ACSBG1: variants seen among roughly 807,000 people sequenced by gnomAD.
The protein encoded by ACSBG1 is acyl-CoA synthetase bubblegum family member 1.
ACSBG1 carries 39 observed loss-of-function variants against 80.2 expected under a neutral mutation model. The ratio of observed to expected loss-of-function variants is 0.49; its 90% confidence interval spans 0.38 to 0.64. The LOEUF (loss-of-function observed/expected upper bound fraction) is 0.64, where lower values mean the gene tolerates loss of function less well. Among genes scored for constraint, ACSBG1 ranks in the 30% least tolerant of loss-of-function variants. ACSBG1 has a pLI of 0.00. For synonymous variants in ACSBG1, 392 were observed against 379.5 expected, an observed-to-expected ratio of 1.03 and a Z score of -0.38; for missense variants, 828 against 966.4, an observed-to-expected ratio of 0.86 and a Z score of 1.90.
chr15:78,226,521 C>T (rs1364804021), intron 1 of ACSBG1: 3 of 176,730 alleles, frequency 1.7e-5, no homozygotes, highest in Admixed American at 6.2e-5. Flanking sequence ...CCTGTTCATC[C>T]CAGCACTTTG....
rs531449547 is a variant in ACSBG1, at chr15:78,186,320, G to A, written c.664-3535C>T. Among the ~76,000 whole-genome samples the A allele has an allele frequency of 1.7e-3, 256 of 152,080 alleles. 1 individual carries two copies. The highest frequency in any genetic ancestry group is 5.1e-3 in the African/African-American group (212 of 41,468). ...AATTGAACTCAGCTCTGCACCAAGC[G>A]GACCTAATAGACATCTACAGAACTC... On this transcript the variant is annotated intron_variant, in intron 5 of 13. Coordinates refer to ENST00000258873, the MANE Select transcript of ACSBG1 (RefSeq NM_015162.5).
At chr15:78,204,326 C>A (rs966897588) in intron 2 of ACSBG1, among the ~76,000 whole-genome samples, 4 of 152,226 alleles carry the variant, frequency 2.6e-5, no homozygotes, top group Admixed American at 6.5e-5. Context: ...TGGGCTTTAC[C>A]TGCCCCTGTA....
intron 1 of ACSBG1, among the ~76,000 whole-genome samples, chr15:78,232,962 T>C (rs1567104138): frequency 6.6e-6 from 1 of 152,236 alleles, no homozygotes; most frequent in Non-Finnish European, 1.5e-5. Context: ...ATTACAGGCA[T>C]GAGCCATCAT....
intron 2 of ACSBG1, among the ~76,000 whole-genome samples, chr15:78,196,024 A>G (rs1349996482): frequency 6.6e-6 from 1 of 152,226 alleles, no homozygotes; most frequent in Non-Finnish European, 1.5e-5. Context: ...GAGGGCCGGA[A>G]GTAGGGATGA....
rs368552794 is a variant in ACSBG1 at position 78,208,507 on chromosome 15, G to A, written c.132-405C>T. On this transcript the variant is annotated intron_variant, in intron 1 of 13. Coordinates refer to ENST00000258873, the MANE Select transcript of ACSBG1 (RefSeq NM_015162.5). Reference sequence around the variant, plus strand: ...CCTGGAGAGGGCAGACTTTTGGGGCGGGGGTTCCCCCATCTGTCACTCCCT... The same window carrying A: ...CCTGGAGAGGGCAGACTTTTGGGGCAGGGGTTCCCCCATCTGTCACTCCCT... Among the ~76,000 whole-genome samples, 8 of 152,322 alleles carry A rather than the reference G, an allele frequency of 5.3e-5. No individual in the cohort carries two copies. The East Asian group carries it at 9.6e-4, about 18-fold the overall frequency.
At chr15:78,223,043 G>A (rs2075371010) in intron 1 of ACSBG1, among the ~76,000 whole-genome samples, 1 of 152,114 alleles carries the variant, frequency 6.6e-6, no homozygotes, top group Non-Finnish European at 1.5e-5. Flanking sequence ...CCTTAGGACT[G>A]CCTTCTAACT....
At chr15:78,174,606 C>G in intron 11 of ACSBG1, 82 bp from the exon 12 acceptor site, 1 of 1,505,322 alleles carries the variant, frequency 6.6e-7, no homozygotes, top group Non-Finnish European at 8.9e-7. Context: ...TCAACCACAA[C>G]CCGGAAGCCT....
intron 1 of ACSBG1, among the ~76,000 whole-genome samples, chr15:78,217,930 G>A (rs776852151): frequency 2.0e-5 from 3 of 152,106 alleles, no homozygotes; most frequent in African/African-American, 4.8e-5. Context: ...TTCATATGTT[G>A]TATTGATGAC....
intron 8 of ACSBG1, among the ~76,000 whole-genome samples, chr15:78,181,547 A>G (rs8026525): frequency 0.078 from 10,427 of 133,542 alleles, 426 homozygotes; most frequent in South Asian, 0.19. Context: ...AGGCTGGAGT[A>G]CAGTGGCGTG....
chr15:78,172,921 C>T lies in ACSBG1; in HGVS notation c.2089+672G>A, dbSNP rs2074840468. Among the ~76,000 whole-genome samples, 2 of 152,230 alleles carry T rather than the reference C, an allele frequency of 1.3e-5. No homozygotes were observed. Among genetic ancestry groups the T allele is most frequent in the Admixed American group, 6.5e-5 (1 of 15,288 alleles). The stretch of plus-strand genomic sequence containing the variant: ...CCGGAAGATCACAGTACTCTCACCC[C>T]TAGAACCACGTGACTCCAGGCTGAA... On this transcript the variant is annotated intron_variant, in intron 13 of 13. Coordinates refer to ENST00000258873, the MANE Select transcript of ACSBG1 (RefSeq NM_015162.5). This position sits in a 1 kb window ranked among gnomAD's most constrained non-coding sequence, Gnocchi z 4.1.
At chr15:78,217,334 T>C (rs2075320606) in intron 1 of ACSBG1, among the ~76,000 whole-genome samples, 1 of 152,086 alleles carries the variant, frequency 6.6e-6, no homozygotes, top group African/African-American at 2.4e-5. Context: ...TACAGAGAAA[T>C]TAGGGAAATT....
intron 1 of ACSBG1, among the ~76,000 whole-genome samples, chr15:78,211,388 T>C (rs1178310640): frequency 6.6e-6 from 1 of 152,198 alleles, no homozygotes; most frequent in Non-Finnish European, 1.5e-5. Flanking sequence ...TTAATGACAA[T>C]AATGGTGGAA....
intron 5 of ACSBG1, among the ~76,000 whole-genome samples, chr15:78,185,055 GA>G (rs879653246): frequency 0.18 from 1,552 of 8,592 alleles, 16 homozygotes; most frequent in Non-Finnish European, 0.21. Flanking sequence ...AGGGGAGGGA[GA>G]GAGAGAGAGA....
rs374015312 is a variant in ACSBG1, at chr15:78,173,596, A to G, written c.2086T>C (p.Leu696=). 5 of 1,613,234 alleles carry G rather than the reference A, an allele frequency of 3.1e-6. No individual in the cohort carries two copies. The highest frequency in any genetic ancestry group is 2.2e-5 in the East Asian group (1 of 44,828). Residue 696 remains leucine, a synonymous_variant, in exon 13 of 14, where the codon TTG becomes CTG. Coordinates refer to ENST00000258873, the MANE Select transcript of ACSBG1 (RefSeq NM_015162.5). ...ATGGTGAAAAGGAAAAACCTACCCA[A>G]CTCTCCACCCGAAATGGAGAAGTCT... ...ERDFSISGGE[L]GPTMKLKRLT... is the part of the protein sequence containing the mutation.
chr15:78,195,548 G>GA (rs1437894168), intron 2 of ACSBG1, among the ~76,000 whole-genome samples: 6 of 151,690 alleles, frequency 4.0e-5, no homozygotes, highest in African/African-American at 1.5e-4. Flanking sequence ...ACAAGCCACT[G>GA]AACCACTGAG....
intron 13 of ACSBG1, chr15:78,171,745 A>G: frequency 2.1e-6 from 1 of 465,432 alleles, no homozygotes; most frequent in Non-Finnish European, 3.9e-6. Context: ...TGGCCAGTGG[A>G]GTATAGATGA....
At chr15:78,212,939 CTGA>C (rs1329284249) in intron 1 of ACSBG1, among the ~76,000 whole-genome samples, 2 of 152,192 alleles carry the variant, frequency 1.3e-5, no homozygotes, top group Non-Finnish European at 2.9e-5. Context: ...CCACAGCCAA[CTGA>C]TGAGCAAATA....
chr15:78,234,019 ATCTG>A (rs994842788), intron 1 of ACSBG1, among the ~76,000 whole-genome samples: 3 of 152,172 alleles, frequency 2.0e-5, no homozygotes, highest in Non-Finnish European at 4.4e-5. Context: ...ACCAAAACTT[ATCTG>A]TCTTTGACCC....
At chr15:78,221,728 A>T (rs1158642503) in intron 1 of ACSBG1, among the ~76,000 whole-genome samples, 1 of 152,168 alleles carries the variant, frequency 6.6e-6, no homozygotes, top group Non-Finnish European at 1.5e-5. Context: ...TCTTGGGCAG[A>T]GGTCCCTGCG....
Sources: allele counts gnomAD v4.1 joint callset (sites outside exome capture counted in the v4.1 genomes callset), GRCh38; gene constraint gnomAD v4.1.1; non-coding constraint Gnocchi (gnomAD v3.1); transcripts MANE v1.5; gene names NCBI Gene and HGNC (gene_info 2026-07-23, HGNC 2026-07-21).